The following TRIM44 variants were observed in gnomAD, a reference collection of about 807,000 sequenced individuals.
TRIM44 encodes tripartite motif containing 44, also known as tripartite motif-containing protein 44.
TRIM44 carries 13 observed loss-of-function variants against 37.4 expected under a neutral mutation model. That is an observed-to-expected ratio of 0.35 (90% CI 0.23 to 0.55). TRIM44 has a LOEUF of 0.55. Among genes scored for constraint, TRIM44 ranks in the 20% least tolerant of loss-of-function variants. The pLI is 0.89. For synonymous variants in TRIM44, 175 were observed against 157.2 expected, an observed-to-expected ratio of 1.11 and a Z score of -0.85; for missense variants, 426 against 437.2, an observed-to-expected ratio of 0.97 and a Z score of 0.23.
chr11:35,777,084 G>T (rs1482772664), intron 4 of TRIM44, among the ~76,000 whole-genome samples: 1 of 152,170 alleles, frequency 6.6e-6, no homozygotes, highest in East Asian at 1.9e-4. Context: ...TATTGTGAGG[G>T]AGTCTAAGTC....
At chr11:35,727,583 G>A (rs1360623650) in intron 3 of TRIM44, among the ~76,000 whole-genome samples, 3 of 152,162 alleles carry the variant, frequency 2.0e-5, no homozygotes, top group East Asian at 1.9e-4. Flanking sequence ...GAGAAATTAT[G>A]TGCCTACATA....
chr11:35,709,221 G>A (rs1851935535), intron 2 of TRIM44, among the ~76,000 whole-genome samples: 1 of 152,176 alleles, frequency 6.6e-6, no homozygotes. Context: ...TCTACTGTAA[G>A]TTACCTTTAG....
intron 1 of TRIM44, among the ~76,000 whole-genome samples, chr11:35,668,088 G>A (rs1453579952): frequency 1.3e-5 from 2 of 152,192 alleles, no homozygotes; most frequent in African/African-American, 2.4e-5. Flanking sequence ...GACCATGGAA[G>A]CCATCTATTC....
intron 3 of TRIM44, among the ~76,000 whole-genome samples, chr11:35,734,121 TC>T (rs1852299958): frequency 6.6e-6 from 1 of 152,222 alleles, no homozygotes; most frequent in Non-Finnish European, 1.5e-5. Flanking sequence ...TGCCTGTTTC[TC>T]ATGCTCCTGA....
intron 4 of TRIM44, among the ~76,000 whole-genome samples, chr11:35,797,969 C>T (rs1853314414): frequency 6.6e-6 from 1 of 152,222 alleles, no homozygotes; most frequent in African/African-American, 2.4e-5. Context: ...GTTAAGGACA[C>T]ACCCATGACA....
At chr11:35,755,537 T>C (rs1852625631) in intron 4 of TRIM44, among the ~76,000 whole-genome samples, 2 of 152,192 alleles carry the variant, frequency 1.3e-5, no homozygotes, top group South Asian at 4.1e-4. Flanking sequence ...TTTTGGCTTT[T>C]GTTGCCATTG....
intron 4 of TRIM44, 68 bp downstream of exon 4, chr11:35,735,513 C>G: frequency 6.7e-7 from 1 of 1,498,740 alleles, no homozygotes. Context: ...CCTTTTAGTG[C>G]TCCATGAAAT....
At chr11:35,712,124 A>G (rs1441346925) in intron 2 of TRIM44, among the ~76,000 whole-genome samples, 1 of 152,150 alleles carries the variant, frequency 6.6e-6, no homozygotes, top group Non-Finnish European at 1.5e-5. Flanking sequence ...CTGCAGAGTA[A>G]CTGGCAGTAG....
At chr11:35,696,624 G>T (rs1383528260) in intron 2 of TRIM44, among the ~76,000 whole-genome samples, 15 of 151,300 alleles carry the variant, frequency 9.9e-5, no homozygotes, top group African/African-American at 3.2e-4. Flanking sequence ...CGAGGCGGGT[G>T]GATCACGAGG....
At chr11:35,792,107 ACACACT>A (rs1299244441) in intron 4 of TRIM44, among the ~76,000 whole-genome samples, 1,617 of 75,700 alleles carry the variant, frequency 0.021, 32 homozygotes, top group African/African-American at 0.052. Flanking sequence ...ACACACACAC[ACACACT>A]CTCTCTCATC....
At chr11:35,721,639 T>G (rs1185203141) in intron 2 of TRIM44, among the ~76,000 whole-genome samples, 1 of 152,226 alleles carries the variant, frequency 6.6e-6, no homozygotes, top group Non-Finnish European at 1.5e-5. Context: ...AGTTTAAATG[T>G]TCACTTCAGT....
At chr11:35,760,740 A>G (rs775053599) in intron 4 of TRIM44, among the ~76,000 whole-genome samples, 1 of 152,244 alleles carries the variant, frequency 6.6e-6, no homozygotes, top group Non-Finnish European at 1.5e-5. Context: ...ACATAGCTGA[A>G]TGGTTAAATC....
intron 4 of TRIM44, among the ~76,000 whole-genome samples, chr11:35,735,881 C>T (rs936281985): frequency 6.6e-6 from 1 of 151,394 alleles, no homozygotes; most frequent in Non-Finnish European, 1.5e-5. Context: ...ACACAAGACA[C>T]CTATATGATG....
At chr11:35,701,483 GAATC>G (rs1458507632) in intron 2 of TRIM44, among the ~76,000 whole-genome samples, 2 of 152,096 alleles carry the variant, frequency 1.3e-5, no homozygotes, top group African/African-American at 2.4e-5. Flanking sequence ...GAGGGAAAAA[GAATC>G]AACAAATGAT....
intron 4 of TRIM44, among the ~76,000 whole-genome samples, chr11:35,755,249 T>C (rs2133855710): frequency 6.6e-6 from 1 of 152,368 alleles, no homozygotes; most frequent in East Asian, 1.9e-4. Flanking sequence ...ATTTCTCCAA[T>C]GGCCAGTAAT....
In TRIM44 at chr11:35,687,798, G is replaced by A. The variant is rs11033238; in HGVS notation, c.747+2462G>A. Among the ~76,000 whole-genome samples the A allele has an allele frequency of 0.014, 2,108 of 152,256 alleles. 118 individuals carry two copies. In the East Asian group the frequency reaches 0.14, roughly 10 times the overall value. ...AGGTAAAGGATATTTGTAAGGACCC[G>A]ACTTGATCTTGGGTGTGTGTGTATA... On this transcript the variant is annotated intron_variant, in intron 2 of 4. Coordinates refer to ENST00000299413, the MANE Select transcript of TRIM44 (RefSeq NM_017583.6).
At chr11:35,753,293 T>C (rs1852581488) in intron 4 of TRIM44, among the ~76,000 whole-genome samples, 1 of 152,222 alleles carries the variant, frequency 6.6e-6, no homozygotes, top group Non-Finnish European at 1.5e-5. Context: ...TATTTGGGCC[T>C]CAGAGCCTAA....
chr11:35,728,730 A>G (rs1420907461), intron 3 of TRIM44, among the ~76,000 whole-genome samples: 1 of 152,186 alleles, frequency 6.6e-6, no homozygotes, highest in African/African-American at 2.4e-5. Context: ...CTTCCCTCCA[A>G]CATTTTATTA....
chr11:35,781,915 G>T (rs1030039030), intron 4 of TRIM44, among the ~76,000 whole-genome samples: 1 of 152,192 alleles, frequency 6.6e-6, no homozygotes, highest in Non-Finnish European at 1.5e-5. Context: ...AGATAAAAGT[G>T]AATGATAAGG....
Sources: allele counts gnomAD v4.1 joint callset (sites outside exome capture counted in the v4.1 genomes callset), GRCh38; gene constraint gnomAD v4.1.1; transcripts MANE v1.5; gene names NCBI Gene and HGNC (gene_info 2026-07-23, HGNC 2026-07-21).